GTF2A1: variants seen among roughly 807,000 people sequenced by gnomAD.
The protein encoded by GTF2A1 is transcription initiation factor IIA subunit 1.
In GTF2A1, 12 loss-of-function variants were observed where a neutral mutation model predicts 54.1. The ratio of observed to expected loss-of-function variants is 0.22; its 90% CI spans 0.14 to 0.36. The LOEUF (loss-of-function observed/expected upper bound fraction) is 0.36. Ranked by LOEUF, GTF2A1 falls within the 10% of genes least tolerant of loss-of-function variation. The pLI is 1.00. For missense variants in GTF2A1, 335 were observed against 442.2 expected, an observed-to-expected ratio of 0.76 and a Z score of 2.17; for synonymous variants, 145 against 152.0, an observed-to-expected ratio of 0.95 and a Z score of 0.34.
chr14:81,194,485 C>A (rs900053945), intron 6 of GTF2A1, among the ~76,000 whole-genome samples: 2 of 152,166 alleles, frequency 1.3e-5, no homozygotes, highest in Admixed American at 1.3e-4. Flanking sequence ...GACAGCAGTA[C>A]ATAATTTTGG....
chr14:81,220,918 C>CT lies in GTF2A1; in HGVS notation c.-401dup, dbSNP rs1361488359. Reference sequence around the variant, plus strand: ...CTCCTTTATATAGCGAGCCAACAAGCTGCGCGAGCCACCACCGCCGCCGCC... The same window carrying CT: ...CTCCTTTATATAGCGAGCCAACAAGCTTGCGCGAGCCACCACCGCCGCCGCC... On this transcript the variant is annotated 5_prime_UTR_variant, in exon 1 of 9. Transcript: ENST00000553612. 1 of 184,342 alleles carries CT rather than the reference C, an allele frequency of 5.4e-6. No individual in the cohort carries two copies. The highest frequency in any genetic ancestry group is 2.4e-5 in the African/African-American group (1 of 42,296). 11.4% of individuals were successfully genotyped at this position (184,342 alleles called of 1,614,324 possible).
At chr14:81,213,231 A>T (rs1467064886) in intron 2 of GTF2A1, among the ~76,000 whole-genome samples, 2 of 152,214 alleles carry the variant, frequency 1.3e-5, no homozygotes, top group East Asian at 3.8e-4. Flanking sequence ...ATTTTTTGTC[A>T]TTTAAAAACT....
At chr14:81,205,927 G>A (rs1273376270) in intron 2 of GTF2A1, among the ~76,000 whole-genome samples, 1 of 152,120 alleles carries the variant, frequency 6.6e-6, no homozygotes, top group Non-Finnish European at 1.5e-5. Flanking sequence ...ATTATATATA[G>A]TAAGGCTTCC....
In GTF2A1 at chr14:81,196,322, A is replaced by C. The variant is rs28441508; in HGVS notation, c.479-81T>G. On this transcript the variant is annotated intron_variant, in intron 5 of 8. Coordinates refer to ENST00000553612, the MANE Select transcript of GTF2A1 (RefSeq NM_015859.4). ...GAAATGAATTCATATTTAATTTCAT[A>C]CCACCAAAGGCACAAGAAATTATCA... 2.7e-3 allele frequency: 3,807 copies of C among 1,390,548 alleles called. 80 individuals are homozygous for C. In the African/African-American group the frequency reaches 0.047, roughly 17 times the overall value. 86.1% of individuals were successfully genotyped at this position (1,390,548 alleles called of 1,614,324 possible). A position where few individuals can be genotyped will look rare whatever the true frequency, so the allele number is the denominator to read the frequency against.
chr14:81,202,584 C>G (rs902093071), intron 3 of GTF2A1: 1 of 484,728 alleles, frequency 2.1e-6, no homozygotes, highest in Non-Finnish European at 4.1e-6. Flanking sequence ...AATATGGTGG[C>G]CTCCTGAAAG....
At chr14:81,211,529 T>C (rs1030674904) in intron 2 of GTF2A1, among the ~76,000 whole-genome samples, 10 of 152,166 alleles carry the variant, frequency 6.6e-5, no homozygotes, top group African/African-American at 1.9e-4. Flanking sequence ...TGATGAGACC[T>C]ACTGCTCCCC....
At chr14:81,217,830 T>C (rs1158278922) in intron 1 of GTF2A1, among the ~76,000 whole-genome samples, 1 of 152,106 alleles carries the variant, frequency 6.6e-6, no homozygotes, top group Non-Finnish European at 1.5e-5. Flanking sequence ...TCAATACAAT[T>C]TACCTCAACC....
intron 2 of GTF2A1, among the ~76,000 whole-genome samples, chr14:81,207,139 GTACCTACC>G (rs58629753): frequency 0.36 from 52,619 of 147,688 alleles, 10,781 homozygotes; most frequent in Middle Eastern, 0.51. Flanking sequence ...ACCTACCTAC[GTACCTACC>G]TACCTACCTA....
At position 81,197,487 on chromosome 14, in the gene GTF2A1, G is replaced by GA. The variant is rs574910607; in HGVS notation, c.403-4dup. On this transcript the variant is annotated splice_polypyrimidine_tract_variant and splice_region_variant and intron_variant, in intron 4 of 8. Coordinates refer to ENST00000553612, the MANE Select transcript of GTF2A1 (RefSeq NM_015859.4). ...GTAGCAGCTGTAGCAGCAGCACTCT[G>GA]AAAAAAACAAAGAAAAAATATCAAA... 1.9e-3 allele frequency: 2,974 copies of GA among 1,542,828 alleles called. 4 individuals carry two copies. The highest frequency in any genetic ancestry group is 2.2e-3 in the Non-Finnish European group (2,432 of 1,127,752).
chr14:81,205,114 T>A (rs937147376), intron 2 of GTF2A1, among the ~76,000 whole-genome samples: 1 of 151,924 alleles, frequency 6.6e-6, no homozygotes, highest in African/African-American at 2.4e-5. Flanking sequence ...GTTTCTTTAT[T>A]TTTTTATTTT....
intron 1 of GTF2A1, among the ~76,000 whole-genome samples, chr14:81,217,363 T>TC (rs1893509610): frequency 6.6e-6 from 1 of 152,176 alleles, no homozygotes; most frequent in South Asian, 2.1e-4. Flanking sequence ...TCCTATTTTT[T>TC]CCCCCACATC....
chr14:81,214,429 A>C (rs571831153), intron 2 of GTF2A1, among the ~76,000 whole-genome samples: 34 of 152,068 alleles, frequency 2.2e-4, no homozygotes, highest in African/African-American at 7.7e-4. Context: ...GGGGATCACA[A>C]GGTCAGGAGA....
rs1892574545 is a variant in GTF2A1 at position 81,178,537 on chromosome 14, A to C, written c.*1686T>G. 6.6e-6 allele frequency: 1 copy of C among 152,122 alleles called. No homozygotes were observed. Among genetic ancestry groups the C allele is most frequent in the South Asian group, 2.1e-4 (1 of 4,826 alleles). 9.4% of individuals were successfully genotyped at this position (152,122 alleles called of 1,614,324 possible). ...TAGCATGCTAGACACCACCATTAAC[A>C]CCAAAGTTTAGAACATAAGTTAAAG... On this transcript the variant is annotated 3_prime_UTR_variant, in exon 9 of 9. Coordinates refer to ENST00000553612, the MANE Select transcript of GTF2A1 (RefSeq NM_015859.4).
At chr14:81,201,202 T>C (rs1250668649) in intron 4 of GTF2A1, among the ~76,000 whole-genome samples, 1 of 152,216 alleles carries the variant, frequency 6.6e-6, no homozygotes, top group African/African-American at 2.4e-5. Context: ...AAAATAGTTA[T>C]ACTGAACTAT....
At chr14:81,215,330 C>A (rs992438548) in intron 2 of GTF2A1, among the ~76,000 whole-genome samples, 1 of 152,198 alleles carries the variant, frequency 6.6e-6, no homozygotes, top group African/African-American at 2.4e-5. Flanking sequence ...TTTAACTGGT[C>A]ACTTTTCTCA....
At chr14:81,195,632 G>A (rs372593841) in intron 6 of GTF2A1, among the ~76,000 whole-genome samples, 102 of 118,526 alleles carry the variant, frequency 8.6e-4, no homozygotes, top group Non-Finnish European at 9.2e-4. Flanking sequence ...ACTCTGTCTC[G>A]AAAAAAAAAA....
intron 2 of GTF2A1, among the ~76,000 whole-genome samples, chr14:81,209,293 T>C (rs563859568): frequency 2.4e-4 from 37 of 152,296 alleles, no homozygotes; most frequent in African/African-American, 8.9e-4. Flanking sequence ...TTTCCGCTTT[T>C]GCTTCTTCCT....
chr14:81,200,895 A>AC (rs902409025), intron 4 of GTF2A1, among the ~76,000 whole-genome samples: 25 of 151,458 alleles, frequency 1.7e-4, no homozygotes, highest in Non-Finnish European at 2.2e-4. Flanking sequence ...CAAAAAAAAA[A>AC]AAAAAACAAA....
At chr14:81,220,236 G>C (rs867897172) in intron 1 of GTF2A1, among the ~76,000 whole-genome samples, 107 of 127,834 alleles carry the variant, frequency 8.4e-4, no homozygotes, top group Non-Finnish European at 1.3e-3. Context: ...TCCGCGGCCC[G>C]GCCCGGCCCG....
Sources: allele counts gnomAD v4.1 joint callset (sites outside exome capture counted in the v4.1 genomes callset), GRCh38; gene constraint gnomAD v4.1.1; transcripts MANE v1.5; gene names NCBI Gene and HGNC (gene_info 2026-07-23, HGNC 2026-07-21).